Variants in TLE3 observed in about 807,000 individuals in gnomAD.
TLE3 encodes the protein transducin-like enhancer protein 3.
A neutral mutation model predicts 93.0 loss-of-function variants in TLE3; 14 were observed. The observed-to-expected ratio is 0.15, with a 90% CI of 0.10 to 0.24. TLE3 has a LOEUF of 0.24. Among genes scored for constraint, TLE3 ranks in the 10% least tolerant of loss-of-function variants. TLE3 has a pLI of 1.00. For synonymous variants in TLE3, 451 were observed against 425.0 expected (o/e 1.06, Z -0.75); for missense variants, 693 against 1,046.6 (o/e 0.66, Z 4.66).
chr15:70,058,659 A>G lies in TLE3; in HGVS notation c.918+4T>C, dbSNP rs763140244. On this transcript the variant is annotated splice_donor_region_variant and intron_variant, in intron 11 of 19. Coordinates refer to ENST00000451782, the MANE Select transcript of TLE3 (RefSeq NM_001105192.3). The surrounding 1 kb of genome is among the most constrained non-coding windows in gnomAD (Gnocchi z 4.1). ...CCACTCCCTTCCACCCAGACCCCAC[A>G]TACATGACCAAGGTCTTTGGTCTTG... The G allele has an allele frequency of 9.4e-6, 15 of 1,589,910 alleles. No homozygotes were observed. Among genetic ancestry groups the G allele is most frequent in the Non-Finnish European group, 1.2e-5 (14 of 1,167,648 alleles).
Position 70,056,360 on chromosome 15 carries a change from A to C in TLE3, c.1266T>G (p.Pro422=), listed in dbSNP as rs1191232839. ...MVSFGAVGFD[P]HPPMRATGLP... is the part of the protein sequence containing the mutation. ...GGCCTGTGGCCCGCATCGGGGGGTGAGGGTCAAAACCAACCTGTAAAGCAA... is the reference window on the plus strand; with the variant it reads ...GGCCTGTGGCCCGCATCGGGGGGTGCGGGTCAAAACCAACCTGTAAAGCAA... Residue 422 remains proline, a synonymous_variant, in exon 14 of 20, where the codon CCT becomes CCG. Transcript: ENST00000451782. 6.2e-6 allele frequency: 10 copies of C among 1,613,302 alleles called. No homozygotes were observed. Among genetic ancestry groups the C allele is most frequent in the Non-Finnish European group, 8.5e-6 (10 of 1,179,824 alleles).
intron 6 of TLE3, 171 bp downstream of exon 6, chr15:70,074,362 G>A: frequency 1.4e-6 from 1 of 708,612 alleles, no homozygotes; most frequent in South Asian, 2.1e-5. Context: ...GGAGCCAAGG[G>A]GGAAACAGCC....
At position 70,065,748 on chromosome 15, in the gene TLE3, G is replaced by A. The variant is rs144663103; in HGVS notation, c.577+266C>T. Among the ~76,000 whole-genome samples, 339 of 152,362 alleles carry A rather than the reference G, an allele frequency of 2.2e-3. 4 individuals carry two copies. The highest frequency in any genetic ancestry group is 7.6e-3 in the African/African-American group (314 of 41,582). On this transcript the variant is annotated intron_variant, in intron 7 of 19. Coordinates refer to ENST00000451782, the MANE Select transcript of TLE3 (RefSeq NM_001105192.3). ...TGGCCCCTGAAGGACAGGCAAGGGTGTTGTAGGAAGATGGGAGCGAGCTCC... is the reference window on the plus strand; with the variant it reads ...TGGCCCCTGAAGGACAGGCAAGGGTATTGTAGGAAGATGGGAGCGAGCTCC...
intron 4 of TLE3, among the ~76,000 whole-genome samples, chr15:70,082,767 C>A (rs1159391966): frequency 6.6e-6 from 1 of 152,204 alleles, no homozygotes; most frequent in Non-Finnish European, 1.5e-5. Flanking sequence ...TGGGCACCAG[C>A]CCCTGTACCC....
At chr15:70,086,387 C>T (rs553274971) in intron 4 of TLE3, among the ~76,000 whole-genome samples, 133 of 152,294 alleles carry the variant, frequency 8.7e-4, no homozygotes, top group African/African-American at 3.1e-3. Context: ...CGAGGGCTAG[C>T]CCAAGGGAAA....
chr15:70,094,473 G>A lies in TLE3; in HGVS notation c.234+59C>T, dbSNP rs79462541. 3.0e-3 allele frequency: 3,882 copies of A among 1,285,204 alleles called. 102 individuals are homozygous for A. The African/African-American group carries it at 0.051, about 17-fold the overall frequency. 79.6% of individuals were successfully genotyped at this position (1,285,204 alleles called of 1,614,324 possible). A position where few individuals can be genotyped will look rare whatever the true frequency, so the allele number is the denominator to read the frequency against. On this transcript the variant is annotated intron_variant, in intron 4 of 19. Coordinates refer to ENST00000451782, the MANE Select transcript of TLE3 (RefSeq NM_001105192.3). The stretch of plus-strand genomic sequence containing the variant: ...TTTCAAACAAGAGAGAACATAAGAA[G>A]TCCACATATATAAGTTTTTAAAAAA...
chr15:70,064,974 AT>A (rs2056725238), intron 7 of TLE3, among the ~76,000 whole-genome samples: 1 of 151,704 alleles, frequency 6.6e-6, no homozygotes, highest in African/African-American at 2.4e-5. Flanking sequence ...CCATTCTGTG[AT>A]TCTTTGTCAG....
chr15:70,085,824 G>A (rs201783031), intron 4 of TLE3, among the ~76,000 whole-genome samples: 4 of 152,248 alleles, frequency 2.6e-5, no homozygotes, highest in Admixed American at 6.5e-5. Flanking sequence ...AAAACCCAGC[G>A]ATTGAGGGAT....
intron 1 of TLE3, 153 bp from the exon 2 acceptor site, chr15:70,096,414 A>G (rs1489151988): frequency 3.0e-6 from 4 of 1,350,446 alleles, no homozygotes; most frequent in Non-Finnish European, 3.9e-6. Context: ...GACGGGGCGG[A>G]GGGGGGGCGC....
chr15:70,048,949 G>A lies in TLE3; in HGVS notation c.*1148C>T, dbSNP rs1273986001. On this transcript the variant is annotated 3_prime_UTR_variant, in exon 20 of 20. Transcript: ENST00000451782. ...AGAGGAAGAGACTGTAGGCGGGAAG[G>A]GGGAGAAGGCATTTTATAAAAGGAC... 1.3e-5 allele frequency: 2 copies of A among 151,976 alleles called. No homozygotes were observed. The highest frequency in any genetic ancestry group is 2.4e-5 in the African/African-American group (1 of 41,344). The allele number at this position is 151,976 out of a possible 1,614,324, so 9.4% of individuals were successfully genotyped here. A position where few individuals can be genotyped will look rare whatever the true frequency, so the allele number is the denominator to read the frequency against.
chr15:70,059,619 C>A (rs1167537954), intron 9 of TLE3, among the ~76,000 whole-genome samples, 159 bp from the exon 10 acceptor site: 1 of 152,148 alleles, frequency 6.6e-6, no homozygotes, highest in Non-Finnish European at 1.5e-5. Flanking sequence ...TCAACAGGCT[C>A]CACTCCAGCT....
intron 10 of TLE3, 91 bp downstream of exon 10, chr15:70,059,319 C>T (rs1007758903): frequency 2.1e-5 from 30 of 1,462,254 alleles, no homozygotes; most frequent in Non-Finnish European, 2.7e-5. Context: ...GCCAGTAATA[C>T]TAGAACAGAC....
chr15:70,086,686 G>A (rs1226979683), intron 4 of TLE3, among the ~76,000 whole-genome samples: 2 of 152,180 alleles, frequency 1.3e-5, no homozygotes, highest in Non-Finnish European at 2.9e-5. Flanking sequence ...AGCAGTAGAA[G>A]AACTGTGAAC....
At chr15:70,077,529 T>G (rs1245460076) in intron 4 of TLE3, among the ~76,000 whole-genome samples, 1 of 152,230 alleles carries the variant, frequency 6.6e-6, no homozygotes, top group African/African-American at 2.4e-5. Context: ...GAGAATTCCT[T>G]GGGCTAACAC....
chr15:70,066,946 AG>A, intron 6 of TLE3: 1 of 372,458 alleles, frequency 2.7e-6, no homozygotes, highest in South Asian at 1.9e-5. Flanking sequence ...TTATCTGTAA[AG>A]GGGGAAAGCA....
At chr15:70,055,590 C>T (rs1431472876) in intron 14 of TLE3, 4 of 340,630 alleles carry the variant, frequency 1.2e-5, no homozygotes. Flanking sequence ...ATACATTCCC[C>T]CAACATGCCA....
rs370938304 is a variant in TLE3 at position 70,052,618 on chromosome 15, G to A, written c.1975-94C>T. The stretch of plus-strand genomic sequence containing the variant: ...AAAGGTGCTGCTCAGGTCCTCTGAG[G>A]CTCAGGGTCCCTCCCCACCCACCCA... On this transcript the variant is annotated intron_variant, in intron 17 of 19. Transcript: ENST00000451782. 4.9e-6 allele frequency: 7 copies of A among 1,425,750 alleles called. No individual in the cohort carries two copies. The African/African-American group carries it at 5.6e-5, about 11-fold the overall frequency. The allele number at this position is 1,425,750 out of a possible 1,614,324, so 88.3% of individuals were successfully genotyped here. A position where few individuals can be genotyped will look rare whatever the true frequency, so the allele number is the denominator to read the frequency against.
intron 4 of TLE3, 110 bp downstream of exon 4, chr15:70,094,422 G>A (rs972965496): frequency 1.2e-6 from 1 of 820,884 alleles, no homozygotes; most frequent in Non-Finnish European, 2.0e-6. Flanking sequence ...AAGGAGAAGG[G>A]GGAGGAATCG....
chr15:70,077,439 CA>C (rs1377961824), intron 4 of TLE3, among the ~76,000 whole-genome samples: 1 of 152,224 alleles, frequency 6.6e-6, no homozygotes, highest in Non-Finnish European at 1.5e-5. Flanking sequence ...ATCTGCATGT[CA>C]AATGATTCTG....
Sources: allele counts gnomAD v4.1 joint callset (sites outside exome capture counted in the v4.1 genomes callset), GRCh38; gene constraint gnomAD v4.1.1; non-coding constraint Gnocchi (gnomAD v3.1); transcripts MANE v1.5; gene names NCBI Gene and HGNC (gene_info 2026-07-23, HGNC 2026-07-21).